The following HEATR4 variants were observed in gnomAD, a reference collection of about 807,000 sequenced individuals.
The protein encoded by HEATR4 is HEAT repeat containing 4.
A neutral mutation model predicts 108.8 loss-of-function variants in HEATR4; 95 were observed. The ratio of observed to expected loss-of-function variants is 0.87; its 90% CI spans 0.74 to 1.04. HEATR4 has a LOEUF of 1.04. HEATR4 is among the 50% of genes least tolerant of loss of function. The pLI is 0.00. For synonymous variants in HEATR4, 443 were observed against 459.4 expected (o/e 0.96, Z 0.46); for missense variants, 1,152 against 1,253.8 (o/e 0.92, Z 1.23).
chr14:73,590,622 C>T, the HEATR4 span, among the ~76,000 whole-genome samples: 1 of 152,192 alleles, frequency 6.6e-6, no homozygotes, highest in African/African-American at 2.4e-5. Flanking sequence ...GAGCCCTGCG[C>T]CGCGGGGAGG....
chr14:73,479,554 T>G (rs1885166344), intron 17 of HEATR4, among the ~76,000 whole-genome samples: 1 of 150,996 alleles, frequency 6.6e-6, no homozygotes, highest in Non-Finnish European at 1.5e-5. Flanking sequence ...TTCTCCTGCC[T>G]CAGCCTCCCA....
At chr14:73,631,015 G>A in the HEATR4 span, among the ~76,000 whole-genome samples, 2 of 152,318 alleles carry the variant, frequency 1.3e-5, no homozygotes, top group South Asian at 2.1e-4. Flanking sequence ...AAAGAAAACA[G>A]GGTTGTTGGA....
At chr14:73,486,462 C>A (rs1377844667) in intron 17 of HEATR4, among the ~76,000 whole-genome samples, 1 of 152,060 alleles carries the variant, frequency 6.6e-6, no homozygotes, top group African/African-American at 2.4e-5. Flanking sequence ...CTTTGGGAGA[C>A]TGAGGCAGGT....
At chr14:73,618,859 G>A in the HEATR4 span, among the ~76,000 whole-genome samples, 13 of 152,140 alleles carry the variant, frequency 8.5e-5, no homozygotes, top group South Asian at 2.1e-4. Context: ...GGCGGGGCAC[G>A]GTGGCTCATG....
At chr14:73,504,984 T>C (rs1395046931) in intron 10 of HEATR4, among the ~76,000 whole-genome samples, 1 of 151,718 alleles carries the variant, frequency 6.6e-6, no homozygotes, top group Non-Finnish European at 1.5e-5. Flanking sequence ...CAGGCTGGAG[T>C]GCAGTGGCAC....
At chr14:73,480,234 G>T (rs1885195283) in intron 17 of HEATR4, among the ~76,000 whole-genome samples, 1 of 152,082 alleles carries the variant, frequency 6.6e-6, no homozygotes. Context: ...TTGAGGTCGG[G>T]AGTTCAAGAC....
At chr14:73,497,454 C>T (rs1886173832) in intron 14 of HEATR4, among the ~76,000 whole-genome samples, 1 of 152,134 alleles carries the variant, frequency 6.6e-6, no homozygotes, top group African/African-American at 2.4e-5. Flanking sequence ...AGACTATCAC[C>T]TGCATTTGAT....
the HEATR4 span, chr14:73,619,864 A>G: frequency 6.5e-7 from 1 of 1,532,770 alleles, no homozygotes; most frequent in Middle Eastern, 1.8e-4. Flanking sequence ...ACCAGATACC[A>G]TTAATAAAAA....
At chr14:73,570,193 A>G in the HEATR4 span, among the ~76,000 whole-genome samples, 1 of 151,664 alleles carries the variant, frequency 6.6e-6, no homozygotes, top group African/African-American at 2.4e-5. Flanking sequence ...GTAAAGAAAC[A>G]GGAATGGAAT....
chr14:73,490,976 G>GC, intron 17 of HEATR4: 1 of 1,316,574 alleles, frequency 7.6e-7, no homozygotes, highest in Non-Finnish European at 9.7e-7. Context: ...CTTTAGCTTC[G>GC]CCCCCGGCCG....
At chr14:73,580,767 T>G in the HEATR4 span, 1 of 151,916 alleles carries the variant, frequency 6.6e-6, no homozygotes, top group African/African-American at 2.4e-5. Flanking sequence ...TCTAGGTAAA[T>G]ACATGTGCAT....
the HEATR4 span, chr14:73,619,800 T>G: frequency 6.2e-7 from 1 of 1,609,420 alleles, no homozygotes; most frequent in Non-Finnish European, 8.5e-7. Context: ...TCCATAAACA[T>G]CTCAATGGTA....
At chr14:73,628,029 G>A in the HEATR4 span, among the ~76,000 whole-genome samples, 62 of 152,144 alleles carry the variant, frequency 4.1e-4, no homozygotes, top group African/African-American at 1.2e-3. Flanking sequence ...GGCTAGTCTC[G>A]AACTCCTGAC....
At chr14:73,512,597 C>T (rs997241034) in intron 6 of HEATR4, among the ~76,000 whole-genome samples, 1 of 152,180 alleles carries the variant, frequency 6.6e-6, no homozygotes, top group African/African-American at 2.4e-5. Context: ...GTTATTCTTA[C>T]TGTTAAATGA....
chr14:73,494,509 T>G (rs112535202), intron 16 of HEATR4, among the ~76,000 whole-genome samples: 1,793 of 152,264 alleles, frequency 0.012, 34 homozygotes, highest in African/African-American at 0.041. Context: ...ATGATAGTTC[T>G]CCCTCCAACC....
chr14:73,621,210 T>C, the HEATR4 span, among the ~76,000 whole-genome samples: 1 of 141,458 alleles, frequency 7.1e-6, no homozygotes, highest in African/African-American at 2.4e-5. Flanking sequence ...CAAAACTCTG[T>C]CTCAAAAAAC....
At chr14:73,551,226 G>A (rs1333076480) in intron 1 of HEATR4, among the ~76,000 whole-genome samples, 6 of 113,478 alleles carry the variant, frequency 5.3e-5, no homozygotes, top group African/African-American at 1.7e-4. Context: ...ACCCCAACTA[G>A]TCAATGAGCC....
chr14:73,565,256 A>C, the HEATR4 span, among the ~76,000 whole-genome samples: 1 of 152,112 alleles, frequency 6.6e-6, no homozygotes, highest in Non-Finnish European at 1.5e-5. Flanking sequence ...CAGTTTATAC[A>C]TTCATCAATA....
chr14:73,512,269 A>C, intron 6 of HEATR4, 120 bp from the exon 7 acceptor site: 7 of 1,083,424 alleles, frequency 6.5e-6, no homozygotes, highest in Middle Eastern at 2.9e-4. Flanking sequence ...ACATTAGCTC[A>C]GAAGAATAAA....
Sources: gnomAD v4.1 joint callset for allele counts (sites outside exome capture counted in the v4.1 genomes callset) on GRCh38, gnomAD v4.1.1 for gene constraint, MANE v1.5 for transcripts, NCBI Gene and HGNC (gene_info 2026-07-23, HGNC 2026-07-21) for gene names.